The following AMBRA1 variants were observed in gnomAD, a reference collection of about 807,000 sequenced individuals.
The protein encoded by AMBRA1 is activating molecule in BECN1-regulated autophagy protein 1.
AMBRA1 carries 47 observed loss-of-function variants against 125.4 expected under a neutral mutation model. The ratio of observed to expected loss-of-function variants is 0.37; its 90% CI spans 0.30 to 0.48. AMBRA1 has a LOEUF of 0.48. Ranked by LOEUF, AMBRA1 falls within the 20% of genes least tolerant of loss-of-function variation. AMBRA1 has a pLI of 0.99. For missense variants in AMBRA1, 1,331 were observed against 1,693.4 expected (o/e 0.79, Z 3.76); for synonymous variants, 626 against 655.5 (o/e 0.95, Z 0.69).
At chr11:46,466,738 A>G (rs1949343108) in intron 11 of AMBRA1, among the ~76,000 whole-genome samples, 1 of 152,156 alleles carries the variant, frequency 6.6e-6, no homozygotes, top group Non-Finnish European at 1.5e-5. Flanking sequence ...CTACCTACCC[A>G]TAATTTTTAA....
intron 11 of AMBRA1, among the ~76,000 whole-genome samples, chr11:46,455,338 T>C (rs534421470): frequency 2.6e-5 from 4 of 152,192 alleles, no homozygotes; most frequent in Admixed American, 6.5e-5. Flanking sequence ...TCTTTCCCTC[T>C]CTCCCCAGTC....
chr11:46,411,235 G>C (rs1946281367), intron 15 of AMBRA1, among the ~76,000 whole-genome samples: 1 of 151,950 alleles, frequency 6.6e-6, no homozygotes, highest in South Asian at 2.1e-4. Context: ...TTAACCTAGA[G>C]GCCTAGGTCA....
At chr11:46,484,550 T>C (rs778363833) in intron 11 of AMBRA1, among the ~76,000 whole-genome samples, 37 of 152,156 alleles carry the variant, frequency 2.4e-4, no homozygotes, top group Non-Finnish European at 4.0e-4. Context: ...TCCAGACATA[T>C]GGACATTAAG....
At chr11:46,437,392 G>A (rs1241836749) in intron 12 of AMBRA1, among the ~76,000 whole-genome samples, 3 of 152,200 alleles carry the variant, frequency 2.0e-5, no homozygotes, top group Non-Finnish European at 4.4e-5. Flanking sequence ...ACAGAGATAT[G>A]CAAAGGACAA....
At chr11:46,545,161 CGGGG>C (rs59510298) in intron 5 of AMBRA1, among the ~76,000 whole-genome samples, 1 of 33,752 alleles carries the variant, frequency 3.0e-5, no homozygotes, top group Non-Finnish European at 5.1e-5. Flanking sequence ...AAAAAAAAGC[CGGGG>C]GGGGGGGGGT....
chr11:46,582,400 C>T (rs1272323978), intron 1 of AMBRA1, among the ~76,000 whole-genome samples: 1 of 152,090 alleles, frequency 6.6e-6, no homozygotes, highest in African/African-American at 2.4e-5. Flanking sequence ...TCTTTTTATT[C>T]TTCTGTCATA....
At chr11:46,534,156 T>C (rs1181057281) in intron 7 of AMBRA1, among the ~76,000 whole-genome samples, 1 of 149,322 alleles carries the variant, frequency 6.7e-6, no homozygotes, top group Non-Finnish European at 1.5e-5. Context: ...TTTTATTGTC[T>C]TTCTCCCATT....
At chr11:46,469,727 C>G (rs773972249) in intron 11 of AMBRA1, among the ~76,000 whole-genome samples, 1 of 151,974 alleles carries the variant, frequency 6.6e-6, no homozygotes, top group African/African-American at 2.4e-5. Context: ...TGCAGTGGTA[C>G]GATCATTGCT....
chr11:46,475,970 T>C (rs1844758201), intron 11 of AMBRA1, among the ~76,000 whole-genome samples: 1 of 152,220 alleles, frequency 6.6e-6, no homozygotes. Flanking sequence ...AAAAGAACAC[T>C]GTTCCCCTCC....
chr11:46,494,258 AC>A, intron 9 of AMBRA1, 54 bp from the exon 10 acceptor site: 1 of 1,458,978 alleles, frequency 6.9e-7, no homozygotes, highest in Non-Finnish European at 9.4e-7. Context: ...AGAATCATCC[AC>A]CAGCCCAAAA....
At chr11:46,471,887 A>G (rs1191549137) in intron 11 of AMBRA1, among the ~76,000 whole-genome samples, 1 of 151,994 alleles carries the variant, frequency 6.6e-6, no homozygotes, top group Non-Finnish European at 1.5e-5. Context: ...CGGCCTCCCA[A>G]AGTGCCAGGA....
intron 1 of AMBRA1, among the ~76,000 whole-genome samples, chr11:46,548,848 G>A (rs181950186): frequency 6.6e-6 from 1 of 152,188 alleles, no homozygotes; most frequent in East Asian, 1.9e-4. Context: ...AAAATTAGCC[G>A]GGTGTGGTGG....
At chr11:46,404,211 A>G (rs957154765) in intron 17 of AMBRA1, among the ~76,000 whole-genome samples, 2 of 152,146 alleles carry the variant, frequency 1.3e-5, no homozygotes, top group Admixed American at 1.3e-4. Context: ...CAAAATAAAT[A>G]AATCTTGGTG....
intron 7 of AMBRA1, chr11:46,518,049 A>G: frequency 1.1e-6 from 1 of 898,212 alleles, no homozygotes; most frequent in Non-Finnish European, 1.3e-6. Flanking sequence ...GTTTGAAATT[A>G]TTTCAAAATG....
At chr11:46,421,945 AC>A (rs1946866786) in intron 14 of AMBRA1, among the ~76,000 whole-genome samples, 1 of 152,130 alleles carries the variant, frequency 6.6e-6, no homozygotes, top group Non-Finnish European at 1.5e-5. Flanking sequence ...ATGTACAGAC[AC>A]CCTAAAAACA....
At chr11:46,592,533 G>A (rs2044640524) in intron 1 of AMBRA1, among the ~76,000 whole-genome samples, 1 of 152,084 alleles carries the variant, frequency 6.6e-6, no homozygotes, top group Non-Finnish European at 1.5e-5. Flanking sequence ...CGACGTGGAC[G>A]AATCACTTGA....
chr11:46,423,240 A>T (rs1313056164), intron 14 of AMBRA1, among the ~76,000 whole-genome samples: 1 of 152,200 alleles, frequency 6.6e-6, no homozygotes, highest in Non-Finnish European at 1.5e-5. Context: ...TGATCTGCTT[A>T]GATCAATGAA....
chr11:46,429,991 A>G (rs1947376484), intron 14 of AMBRA1, among the ~76,000 whole-genome samples: 1 of 152,132 alleles, frequency 6.6e-6, no homozygotes, highest in Non-Finnish European at 1.5e-5. Context: ...GGACAGTGGG[A>G]AGGGAGAGAG....
At chr11:46,570,902 T>G (rs550010754) in intron 1 of AMBRA1, among the ~76,000 whole-genome samples, 1,874 of 152,098 alleles carry the variant, frequency 0.012, 23 homozygotes, top group Admixed American at 0.021. Context: ...AAGAAAGGGA[T>G]AGAGAACTGG....
Sources: gnomAD v4.1 joint callset for allele counts (sites outside exome capture counted in the v4.1 genomes callset) on GRCh38, gnomAD v4.1.1 for gene constraint, MANE v1.5 for transcripts, NCBI Gene and HGNC (gene_info 2026-07-23, HGNC 2026-07-21) for gene names.